DNAH17: variants seen among roughly 807,000 people sequenced by gnomAD.
DNAH17 encodes dynein axonemal heavy chain 17.
A neutral mutation model predicts 485.6 loss-of-function variants in DNAH17; 376 were observed. The observed-to-expected ratio is 0.77, with a 90% CI of 0.71 to 0.84. The LOEUF is 0.84. Among genes scored for constraint, DNAH17 ranks in the 40% least tolerant of loss-of-function variants. DNAH17 has a pLI of 0.00. For synonymous variants in DNAH17, 3,031 were observed against 2,405.9 expected (o/e 1.26, Z -7.60); for missense variants, 6,370 against 5,839.3 (o/e 1.09, Z -2.96).
intron 63 of DNAH17, among the ~76,000 whole-genome samples, chr17:78,455,318 G>A (rs896739671): frequency 1.4e-5 from 2 of 145,232 alleles, no homozygotes; most frequent in African/African-American, 5.3e-5. Context: ...CCCGAGTGAT[G>A]AGTAGGACTC....
chr17:78,435,516 C>T (rs894740158), intron 74 of DNAH17, among the ~76,000 whole-genome samples: 4 of 152,200 alleles, frequency 2.6e-5, no homozygotes, highest in Non-Finnish European at 5.9e-5. Context: ...GTGCCACTCC[C>T]GTGTGCTGGC....
chr17:78,449,534 G>C lies in DNAH17; in HGVS notation c.11091C>G (p.Asn3697Lys). The C allele has an allele frequency of 6.2e-7, 1 of 1,602,186 alleles. No individual in the cohort carries two copies. The change falls in exon 69 of 81, where the codon AAC becomes AAG. Residue 3697 changes from asparagine to lysine, a missense_variant. Physicochemically the swap from Asn to Lys is moderately conservative, Grantham distance 94. Transcript: ENST00000389840. Reference protein sequence around the residue: ...EKAIQRTTPANEVKQRVINLT... With the variant: ...EKAIQRTTPAKEVKQRVINLT... ...GGTTGATCACCCGCTGCTTCACCTC[G>C]TTGGCAGGGGTGGTCCTCTGGATGG...
rs138312957 is a variant in DNAH17, at chr17:78,424,017, C to A, written c.13278G>T (p.Val4426=). 4.0e-3 allele frequency: 6,533 copies of A among 1,614,038 alleles called. 19 individuals are homozygous for A. Among genetic ancestry groups the A allele is most frequent in the Non-Finnish European group, 4.6e-3 (5,476 of 1,179,908 alleles). The part of the protein sequence containing the change: ...METKNIYECP[V]YKTRIRGPTY... ...TGGGGCCGCGGATGCGTGTTTTGTA[C>A]ACGGGACACTCATAGATGTTCTTGG... Residue 4426 remains valine (V), a synonymous_variant, in exon 81 of 81, where the codon GTG becomes GTT. Transcript: ENST00000389840.
At chr17:78,543,261 T>C (rs2091651482) in intron 17 of DNAH17, among the ~76,000 whole-genome samples, 1 of 150,662 alleles carries the variant, frequency 6.6e-6, no homozygotes, top group Non-Finnish European at 1.5e-5. Context: ...ATTACAGGCA[T>C]GTGCCAACGT....
At chr17:78,563,945 G>A (rs925681449) in intron 11 of DNAH17, among the ~76,000 whole-genome samples, 3 of 150,866 alleles carry the variant, frequency 2.0e-5, no homozygotes, top group Admixed American at 2.0e-4. Flanking sequence ...GTTTTAAATT[G>A]AGCATAAACA....
rs2143736218 is a variant in DNAH17, at chr17:78,571,788, C to T, written c.540-6G>A. ...TGTCCAGTGAAGAGGGGATCCTGCC[C>T]AGTGGAAGGTTGGGGCATTGCTCTC... On this transcript the variant is annotated splice_region_variant and splice_polypyrimidine_tract_variant and intron_variant, in intron 3 of 80. Coordinates refer to ENST00000389840, the MANE Select transcript of DNAH17 (RefSeq NM_173628.4). 3 of 1,571,058 alleles carry T rather than the reference C, an allele frequency of 1.9e-6. No homozygotes were observed. Among genetic ancestry groups the T allele is most frequent in the East Asian group, 4.5e-5 (2 of 44,550 alleles).
rs150135529 is a variant in DNAH17, at chr17:78,459,088, C to T, written c.9774G>A (p.Val3258=). 3.1e-6 allele frequency: 5 copies of T among 1,613,920 alleles called. No individual in the cohort carries two copies. In the African/African-American group the frequency reaches 6.7e-5, roughly 22 times the overall value. ...IVRFYEVYCD[V]APKRQALEEA... ...CCTCCAGTGCCTGCCTCTTGGGCGC[C>T]ACGTCGCAGTAGACCTCGTAGAAGC... The change falls in exon 61 of 81, where the codon GTG becomes GTA. Residue 3258 remains valine, a synonymous_variant. Coordinates refer to ENST00000389840, the MANE Select transcript of DNAH17 (RefSeq NM_173628.4).
At chr17:78,431,426 A>C (rs2086667284) in intron 75 of DNAH17, among the ~76,000 whole-genome samples, 1 of 145,288 alleles carries the variant, frequency 6.9e-6, no homozygotes, top group Admixed American at 7.0e-5. Flanking sequence ...TGCTGTCTGC[A>C]TTTCCCGTAC....
rs553079556 is a variant in DNAH17 at position 78,559,786 on chromosome 17, CTT to C, written c.2031+952_2031+953del. On this transcript the variant is annotated intron_variant, in intron 13 of 80. Transcript: ENST00000389840. ...GGCCCTTCCTCGTCACCTCTCATCT[CTT>C]CTCCTACGACCTTCCCCTTTGCCCA... Among the ~76,000 whole-genome samples the C allele has an allele frequency of 3.2e-3, 480 of 152,258 alleles. 5 individuals carry two copies. The highest frequency in any genetic ancestry group is 4.2e-3 in the Non-Finnish European group (289 of 68,018).
intron 75 of DNAH17, among the ~76,000 whole-genome samples, chr17:78,432,982 C>T (rs1247064269): frequency 6.8e-6 from 1 of 146,704 alleles, no homozygotes; most frequent in Non-Finnish European, 1.5e-5. Flanking sequence ...AACCCCGAGG[C>T]CCCACGTAGG....
intron 13 of DNAH17, among the ~76,000 whole-genome samples, chr17:78,559,799 C>T (rs887210807): frequency 3.3e-5 from 5 of 152,146 alleles, no homozygotes; most frequent in African/African-American, 1.2e-4. Context: ...CTCCTACGAC[C>T]TTCCCCTTTG....
chr17:78,447,663 C>G (rs564477360), intron 69 of DNAH17, among the ~76,000 whole-genome samples: 1 of 152,302 alleles, frequency 6.6e-6, no homozygotes, highest in African/African-American at 2.4e-5. Flanking sequence ...CTGAGGAACT[C>G]TTATCCTGAT....
At chr17:78,429,461 C>G (rs772892001) in intron 75 of DNAH17, among the ~76,000 whole-genome samples, 161 bp from the exon 76 acceptor site, 6 of 152,196 alleles carry the variant, frequency 3.9e-5, no homozygotes, top group South Asian at 4.1e-4. Flanking sequence ...TCAGGGTCAC[C>G]AGGCCCCAGG....
chr17:78,475,159 C>G lies in DNAH17; in HGVS notation c.8511+119G>C, dbSNP rs2088956839. 3 of 1,165,460 alleles carry G rather than the reference C, an allele frequency of 2.6e-6. No homozygotes were observed. The African/African-American group carries it at 4.6e-5, about 18-fold the overall frequency. The allele number at this position is 1,165,460 out of a possible 1,614,324, so 72.2% of individuals were successfully genotyped here. ...AAGATAAAGACCCTTTGGATAAGGA[C>G]TATTGGTGATGCTCGGATTCCCTGT... On this transcript the variant is annotated intron_variant, in intron 54 of 80. Transcript: ENST00000389840.
intron 37 of DNAH17, among the ~76,000 whole-genome samples, chr17:78,498,295 T>C (rs1334732859): frequency 1.3e-5 from 2 of 152,198 alleles, no homozygotes; most frequent in Non-Finnish European, 2.9e-5. Context: ...GGGAGGACCT[T>C]GACACCGCCA....
chr17:78,452,836 A>C (rs2087612523), intron 65 of DNAH17, among the ~76,000 whole-genome samples: 2 of 152,232 alleles, frequency 1.3e-5, no homozygotes, highest in South Asian at 4.1e-4. Context: ...AGGCAAATCC[A>C]CAGACACAGA....
intron 54 of DNAH17, among the ~76,000 whole-genome samples, chr17:78,469,193 G>A (rs1415702279): frequency 6.6e-6 from 1 of 152,108 alleles, no homozygotes. Flanking sequence ...CCAGGCTGGA[G>A]TGCAGTGATG....
chr17:78,478,264 A>G (rs1479769273), intron 51 of DNAH17, among the ~76,000 whole-genome samples: 1 of 98,348 alleles, frequency 1.0e-5, no homozygotes, highest in East Asian at 2.9e-4. Context: ...CACCATTATC[A>G]TCTCCACCAC....
intron 19 of DNAH17, among the ~76,000 whole-genome samples, chr17:78,536,929 A>T (rs534495025): frequency 2.7e-4 from 41 of 151,892 alleles, no homozygotes; most frequent in African/African-American, 9.7e-4. Context: ...TAATCCCAGC[A>T]CTTTGGGAGG....
Sources: allele counts gnomAD v4.1 joint callset (sites outside exome capture counted in the v4.1 genomes callset), GRCh38; gene constraint gnomAD v4.1.1; transcripts MANE v1.5; gene names NCBI Gene and HGNC (gene_info 2026-07-23, HGNC 2026-07-21).